Variants in NFAM1 observed in about 807,000 individuals in gnomAD.
The protein encoded by NFAM1 is NFAT activating protein with ITAM motif 1.
NFAM1 carries 17 observed loss-of-function variants against 29.0 expected under a neutral mutation model. The observed-to-expected ratio is 0.59, with a 90% CI of 0.40 to 0.88. NFAM1 has a LOEUF of 0.88. Among genes scored for constraint, NFAM1 ranks in the 40% least tolerant of loss-of-function variants. The probability of loss-of-function intolerance (pLI) is 0.00; values close to 1 mark genes in which losing one functional copy is unlikely to be tolerated. For synonymous variants in NFAM1, 175 were observed against 147.2 expected (o/e 1.19, Z -1.36); for missense variants, 324 against 344.6 (o/e 0.94, Z 0.47).
chr22:42,386,279 C>T (rs1487005711), intron 5 of NFAM1, among the ~76,000 whole-genome samples: 1 of 151,880 alleles, frequency 6.6e-6, no homozygotes, highest in Non-Finnish European at 1.5e-5. Flanking sequence ...GAGGCTGAGG[C>T]AGGAGAATTG....
chr22:42,399,096 G>C (rs1351395127), intron 3 of NFAM1, among the ~76,000 whole-genome samples: 1 of 152,204 alleles, frequency 6.6e-6, no homozygotes, highest in African/African-American at 2.4e-5. Context: ...GGGAGCCTCA[G>C]GTAGAGGGAA....
intron 4 of NFAM1, among the ~76,000 whole-genome samples, chr22:42,395,181 AAAAT>A (rs1171715573): frequency 9.2e-4 from 138 of 150,144 alleles, no homozygotes; most frequent in African/African-American, 3.2e-3. Flanking sequence ...CTCAAAAAAA[AAAAT>A]AAAACAGGCC....
chr22:42,402,991 T>C (rs113561674), intron 3 of NFAM1, among the ~76,000 whole-genome samples: 4,244 of 148,136 alleles, frequency 0.029, 201 homozygotes, highest in African/African-American at 0.1. Context: ...CCTACCACCA[T>C]GCCCGGCTAA....
At chr22:42,420,238 G>A (rs2146548633) in intron 1 of NFAM1, among the ~76,000 whole-genome samples, 1 of 151,986 alleles carries the variant, frequency 6.6e-6, no homozygotes, top group African/African-American at 2.4e-5. Context: ...TCGAACTCCT[G>A]AACTTGGGTG....
At chr22:42,416,901 C>T (rs1008318610) in intron 1 of NFAM1, among the ~76,000 whole-genome samples, 9 of 152,008 alleles carry the variant, frequency 5.9e-5, no homozygotes, top group African/African-American at 1.9e-4. Flanking sequence ...TAGAGGGGCC[C>T]ACGGCCTGGA....
intron 1 of NFAM1, among the ~76,000 whole-genome samples, chr22:42,431,913 C>T (rs997444649): frequency 3.4e-4 from 52 of 152,254 alleles, no homozygotes; most frequent in Admixed American, 3.3e-3. Flanking sequence ...GCTGTCCCTC[C>T]CCCCTGCCCC....
intron 1 of NFAM1, among the ~76,000 whole-genome samples, chr22:42,417,592 C>T (rs1930303234): frequency 6.6e-6 from 1 of 152,174 alleles, no homozygotes; most frequent in South Asian, 2.1e-4. Context: ...AAGGAGCACC[C>T]CTGAGGCTCA....
rs11343542 is a variant in NFAM1, at chr22:42,390,816, CAA to C, written c.664-3740_664-3739del. Among the ~76,000 whole-genome samples, 145 of 107,574 alleles carry C rather than the reference CAA, an allele frequency of 1.3e-3. 2 individuals are homozygous for C. The highest frequency in any genetic ancestry group is 5.4e-3 in the South Asian group (17 of 3,164). The allele number at this position is 107,574 out of a possible 152,430, so 70.6% of individuals were successfully genotyped here. The stretch of plus-strand genomic sequence containing the variant: ...TGGGCAACAGAGTGAGACTCCGTCT[CAA>C]AAAAAAAAAAAAAAAAAAGAGGGAG... On this transcript the variant is annotated intron_variant, in intron 4 of 5. Coordinates refer to ENST00000329021, the MANE Select transcript of NFAM1 (RefSeq NM_145912.8).
At position 42,398,382 on chromosome 22, in the gene NFAM1, T is replaced by TTTATTTATTA. The variant is rs1555969649; in HGVS notation, c.565-427_565-426insTAATAAATAA. ...AGTTCCCCTCTGGGCCTTGGTTTTA[T>TTTATTTATTA]TTATTATTATTATTATTATTATTAT... On this transcript the variant is annotated intron_variant, in intron 3 of 5. Coordinates refer to ENST00000329021, the MANE Select transcript of NFAM1 (RefSeq NM_145912.8). Among the ~76,000 whole-genome samples the TTTATTTATTA allele has an allele frequency of 6.4e-5, 8 of 125,428 alleles. No homozygotes were observed. In the East Asian group the frequency reaches 1.9e-3, roughly 30 times the overall value. 82.3% of individuals were successfully genotyped at this position (125,428 alleles called of 152,430 possible). A position where few individuals can be genotyped will look rare whatever the true frequency, so the allele number is the denominator to read the frequency against.
intron 3 of NFAM1, among the ~76,000 whole-genome samples, chr22:42,406,567 A>C (rs531131599): frequency 1.3e-5 from 2 of 151,782 alleles, no homozygotes. Context: ...TGCATCCACT[A>C]TTCTCCCACT....
At chr22:42,424,177 A>G (rs1930540537) in intron 1 of NFAM1, among the ~76,000 whole-genome samples, 1 of 151,898 alleles carries the variant, frequency 6.6e-6, no homozygotes, top group Non-Finnish European at 1.5e-5. Flanking sequence ...GCACTTTGGG[A>G]GGCCAAGGCG....
At chr22:42,398,660 G>A (rs553962544) in intron 3 of NFAM1, among the ~76,000 whole-genome samples, 2 of 152,122 alleles carry the variant, frequency 1.3e-5, no homozygotes, top group South Asian at 2.1e-4. Flanking sequence ...GTGATCCACC[G>A]CCTTGGCGTC....
chr22:42,384,790 G>GT lies in NFAM1; in HGVS notation c.*370dup. 2 of 315,822 alleles carry GT rather than the reference G, an allele frequency of 6.3e-6. No individual in the cohort carries two copies. The highest frequency in any genetic ancestry group is 6.1e-6 in the Non-Finnish European group (1 of 164,506). The allele number at this position is 315,822 out of a possible 1,614,324, so 19.6% of individuals were successfully genotyped here. On this transcript the variant is annotated 3_prime_UTR_variant, in exon 6 of 6. Transcript: ENST00000329021. The stretch of plus-strand genomic sequence containing the variant: ...CTCAGAGGCTGCCCTACTGGCTGAG[G>GT]TGCAGGCTGGTGCCAAGAGAGCATG...
At chr22:42,392,868 C>T (rs750939955) in intron 4 of NFAM1, among the ~76,000 whole-genome samples, 2 of 152,016 alleles carry the variant, frequency 1.3e-5, no homozygotes, top group Admixed American at 6.6e-5. Context: ...GGCATAATCT[C>T]GGCTCACTGC....
rs1485331501 is a variant in NFAM1, at chr22:42,432,352, C to G, written c.6G>C (p.Glu2Asp). Residue 2 changes from glutamate (E) to aspartate (D), a missense_variant, in exon 1 of 6, where the codon GAG becomes GAC. Physicochemically the swap from Glu to Asp is conservative, Grantham distance 45. Transcript: ENST00000329021. M[E>D]NQPVRWRALP... is the part of the protein sequence containing the mutation. ...GGGCCCGCCACCTCACAGGCTGGTT[C>G]TCCATCTGGGGGCCTGCTTGTCTGC... is the stretch of plus-strand genomic sequence containing the variant. 1.3e-6 allele frequency: 2 copies of G among 1,575,740 alleles called. No homozygotes were observed. Among genetic ancestry groups the G allele is most frequent in the African/African-American group, 2.7e-5 (2 of 73,650 alleles).
chr22:42,423,550 G>GAAATAAATAAATAAAT (rs60005859), intron 1 of NFAM1, among the ~76,000 whole-genome samples: 4,883 of 151,458 alleles, frequency 0.032, 235 homozygotes, highest in African/African-American at 0.11. Flanking sequence ...CCCCATTTCT[G>GAAATAAATAAATAAAT]AAATAAATAA....
chr22:42,404,073 T>C (rs953136182), intron 3 of NFAM1, among the ~76,000 whole-genome samples: 1 of 152,040 alleles, frequency 6.6e-6, no homozygotes, highest in African/African-American at 2.4e-5. Flanking sequence ...CCCCAGCCCC[T>C]CCGGGCAGAC....
chr22:42,437,141 C>CTTT (rs566611914), upstream of NFAM1: 98 of 155,366 alleles, frequency 6.3e-4, no homozygotes, highest in African/African-American at 2.5e-3. Context: ...TTCTTTTTGT[C>CTTT]TTTTTTTTTT....
In NFAM1 at chr22:42,384,459, G is replaced by C. The variant is rs11912524; in HGVS notation, c.*702C>G. 0.037 allele frequency: 5,648 copies of C among 154,712 alleles called. 255 individuals carry two copies. The highest frequency in any genetic ancestry group is 0.11 in the African/African-American group (4,563 of 41,478). The allele number at this position is 154,712 out of a possible 1,614,324, so 9.6% of individuals were successfully genotyped here. On this transcript the variant is annotated 3_prime_UTR_variant, in exon 6 of 6. Coordinates refer to ENST00000329021, the MANE Select transcript of NFAM1 (RefSeq NM_145912.8). Reference sequence around the variant, plus strand: ...CCTCTGCCCTCACCCCAACATGCCAGAATCTCCTTCCTCTCCAGCTTGTAC... The same window carrying C: ...CCTCTGCCCTCACCCCAACATGCCACAATCTCCTTCCTCTCCAGCTTGTAC...
Sources: allele counts gnomAD v4.1 joint callset (sites outside exome capture counted in the v4.1 genomes callset), GRCh38; gene constraint gnomAD v4.1.1; transcripts MANE v1.5; gene names NCBI Gene and HGNC (gene_info 2026-07-23, HGNC 2026-07-21).